The following PDZRN3 variants were observed in gnomAD, a reference collection of about 807,000 sequenced individuals.
PDZRN3 encodes the protein PDZ domain containing ring finger 3.
In PDZRN3, 38 loss-of-function variants were observed where a neutral mutation model predicts 85.7. That is an observed-to-expected ratio of 0.44 (90% CI 0.34 to 0.58). The LOEUF (loss-of-function observed/expected upper bound fraction) is 0.58. Among genes scored for constraint, PDZRN3 ranks in the 20% least tolerant of loss-of-function variants. The pLI is 0.01. For missense variants in PDZRN3, 1,629 were observed against 1,506.4 expected, an observed-to-expected ratio of 1.08 and a Z score of -1.35; for synonymous variants, 759 against 638.0, an observed-to-expected ratio of 1.19 and a Z score of -2.86.
intron 3 of PDZRN3, among the ~76,000 whole-genome samples, chr3:73,422,082 T>C (rs760251890): frequency 1.2e-4 from 19 of 152,242 alleles, no homozygotes; most frequent in Non-Finnish European, 1.9e-4. Flanking sequence ...CAGTGTAGTA[T>C]TTAACTTCTG....
chr3:73,608,852 T>C (rs1356888657), intron 1 of PDZRN3, among the ~76,000 whole-genome samples, 168 bp from the exon 2 acceptor site: 1 of 152,192 alleles, frequency 6.6e-6, no homozygotes, highest in African/African-American at 2.4e-5. Flanking sequence ...TCTGAAATTC[T>C]GTCTTGTGTT....
intron 3 of PDZRN3, among the ~76,000 whole-genome samples, chr3:73,553,288 T>C (rs1405476517): frequency 6.6e-6 from 1 of 152,070 alleles, no homozygotes; most frequent in Non-Finnish European, 1.5e-5. Context: ...TAAGACCTAT[T>C]ATCGGCCAGG....
Position 73,624,349 on chromosome 3 carries a change from G to T in PDZRN3, c.477C>A (p.Gly159=). 7.7e-7 allele frequency: 1 copy of T among 1,301,344 alleles called. No individual in the cohort carries two copies. Among genetic ancestry groups the T allele is most frequent in the Non-Finnish European group, 9.7e-7 (1 of 1,032,068 alleles). 80.6% of individuals were successfully genotyped at this position (1,301,344 alleles called of 1,614,324 possible). A position where few individuals can be genotyped will look rare whatever the true frequency, so the allele number is the denominator to read the frequency against. Residue 159 remains glycine, a synonymous_variant, in exon 1 of 10, where the codon GGC becomes GGA. Transcript: ENST00000263666. The part of the protein sequence containing the change: ...PLTHGEQRAG[G]HCCARALRAH... ...CCCGCAGCGCTCGCGCGCAGCAGTG[G>T]CCGCCCGCGCGCTGCTCGCCGTGCG...
chr3:73,586,736 C>T (rs1481894607), intron 3 of PDZRN3, among the ~76,000 whole-genome samples: 2 of 152,192 alleles, frequency 1.3e-5, no homozygotes, highest in African/African-American at 4.8e-5. Context: ...CCCCATCAAA[C>T]ATCAAGCTGA....
intron 3 of PDZRN3, among the ~76,000 whole-genome samples, chr3:73,518,061 A>C (rs1704285923): frequency 6.6e-6 from 1 of 152,260 alleles, no homozygotes; most frequent in Non-Finnish European, 1.5e-5. Flanking sequence ...GGATGCCCAC[A>C]TTCATAGTGG....
chr3:73,530,748 C>T lies in PDZRN3; in HGVS notation c.918+71606G>A, dbSNP rs77114734. On this transcript the variant is annotated intron_variant, in intron 3 of 9. Coordinates refer to ENST00000263666, the MANE Select transcript of PDZRN3 (RefSeq NM_015009.3). ...TTGGTTTCTATTCATTTCTTATGTA[C>T]CTCAAAATTTAATCAATCAAAACTT... Among the ~76,000 whole-genome samples the T allele has an allele frequency of 7.1e-3, 1,075 of 152,144 alleles. 9 individuals carry two copies. Among genetic ancestry groups the T allele is most frequent in the African/African-American group, 0.025 (1,035 of 41,512 alleles).
intron 3 of PDZRN3, among the ~76,000 whole-genome samples, chr3:73,507,460 G>A (rs1361271196): frequency 6.6e-6 from 1 of 152,150 alleles, no homozygotes; most frequent in Admixed American, 6.5e-5. Flanking sequence ...GTGAGCCACC[G>A]TGCCCGGCCA....
rs548541992 is a variant in PDZRN3, at chr3:73,578,997, T to A, written c.918+23357A>T. 2.6e-5 allele frequency among the ~76,000 whole-genome samples: 4 copies of A among 152,260 alleles called. No homozygotes were observed. The East Asian group carries it at 7.7e-4, about 29-fold the overall frequency. Reference sequence around the variant, plus strand: ...AAGACAAAAATTTTCCAAGGTGCACTGATTTTGGAAGGTCCTTGCTTTGGT... The same window carrying A: ...AAGACAAAAATTTTCCAAGGTGCACAGATTTTGGAAGGTCCTTGCTTTGGT... On this transcript the variant is annotated intron_variant, in intron 3 of 9. Transcript: ENST00000263666.
rs115965302 is a variant in PDZRN3 at position 73,408,823 on chromosome 3, T to C, written c.919-4428A>G. Among the ~76,000 whole-genome samples the C allele has an allele frequency of 5.2e-3, 790 of 152,272 alleles. 5 individuals carry two copies. Among genetic ancestry groups the C allele is most frequent in the African/African-American group, 0.018 (762 of 41,550 alleles). ...ATCACTGAGACTCTTAGCGAGATGATGACTCCGGTGCACGCCGTCAGCCAA... is the reference window on the plus strand; with the variant it reads ...ATCACTGAGACTCTTAGCGAGATGACGACTCCGGTGCACGCCGTCAGCCAA... On this transcript the variant is annotated intron_variant, in intron 3 of 9. Coordinates refer to ENST00000263666, the MANE Select transcript of PDZRN3 (RefSeq NM_015009.3).
intron 1 of PDZRN3, among the ~76,000 whole-genome samples, chr3:73,611,374 C>A (rs1378320706): frequency 1.3e-5 from 2 of 152,216 alleles, no homozygotes; most frequent in African/African-American, 4.8e-5. Flanking sequence ...GTCTGAAATA[C>A]AACATTCCTC....
chr3:73,504,104 ATG>A (rs1488762481), intron 3 of PDZRN3, among the ~76,000 whole-genome samples: 2 of 152,162 alleles, frequency 1.3e-5, no homozygotes, highest in Admixed American at 6.5e-5. Flanking sequence ...ACTGCTGTGT[ATG>A]TGTGTCTGCT....
At chr3:73,593,543 T>C (rs1022103093) in intron 3 of PDZRN3, among the ~76,000 whole-genome samples, 2 of 152,156 alleles carry the variant, frequency 1.3e-5, no homozygotes, top group African/African-American at 4.8e-5. Flanking sequence ...CAGATGCCTC[T>C]GCGTTTCCAT....
intron 5 of PDZRN3, among the ~76,000 whole-genome samples, chr3:73,400,126 C>G (rs1309984399): frequency 6.6e-6 from 1 of 152,296 alleles, no homozygotes; most frequent in Non-Finnish European, 1.5e-5. Flanking sequence ...TACCCAAGGG[C>G]TTACCTGTCA....
chr3:73,546,203 G>T (rs1701419478), intron 3 of PDZRN3, among the ~76,000 whole-genome samples: 1 of 152,206 alleles, frequency 6.6e-6, no homozygotes, highest in Non-Finnish European at 1.5e-5. Flanking sequence ...TTTAGCTTCT[G>T]TTTCTCCACC....
chr3:73,599,655 C>T (rs1702481530), intron 3 of PDZRN3, among the ~76,000 whole-genome samples: 2 of 152,254 alleles, frequency 1.3e-5, no homozygotes, highest in Admixed American at 6.5e-5. Flanking sequence ...AAATGCAACT[C>T]TTGTATAAAT....
intron 3 of PDZRN3, among the ~76,000 whole-genome samples, chr3:73,478,669 A>G (rs1703504834): frequency 6.6e-6 from 1 of 152,216 alleles, no homozygotes; most frequent in South Asian, 2.1e-4. Context: ...ACTGTCTTCC[A>G]TGAAACTAGT....
intron 3 of PDZRN3, among the ~76,000 whole-genome samples, chr3:73,504,959 A>C (rs1267292692): frequency 6.6e-6 from 1 of 152,228 alleles, no homozygotes; most frequent in African/African-American, 2.4e-5. Flanking sequence ...CAATGTTTTC[A>C]TATGAATGTG....
rs1703287944 is a variant in PDZRN3 at position 73,383,255 on chromosome 3, C to CGGACTAT, written c.*109_*110insATAGTCC. 14 of 1,047,558 alleles carry CGGACTAT rather than the reference C, an allele frequency of 1.3e-5. No homozygotes were observed. Among genetic ancestry groups the CGGACTAT allele is most frequent in the Non-Finnish European group, 2.0e-5 (14 of 712,532 alleles). The allele number at this position is 1,047,558 out of a possible 1,614,324, so 64.9% of individuals were successfully genotyped here. A position where few individuals can be genotyped will look rare whatever the true frequency, so the allele number is the denominator to read the frequency against. On this transcript the variant is annotated 3_prime_UTR_variant, in exon 10 of 10. Coordinates refer to ENST00000263666, the MANE Select transcript of PDZRN3 (RefSeq NM_015009.3). ...AGGGTTTGCAAATTTGGACTATAAA[C>CGGACTAT]ATGAAGACCGTACTTATCTTATATA...
intron 4 of PDZRN3, among the ~76,000 whole-genome samples, chr3:73,403,052 T>C (rs1701785619): frequency 6.6e-6 from 1 of 151,244 alleles, no homozygotes; most frequent in Non-Finnish European, 1.5e-5. Context: ...CACGCCATTC[T>C]CCTGCCTCAG....
Sources: allele counts gnomAD v4.1 joint callset (sites outside exome capture counted in the v4.1 genomes callset), GRCh38; gene constraint gnomAD v4.1.1; transcripts MANE v1.5; gene names NCBI Gene and HGNC (gene_info 2026-07-23, HGNC 2026-07-21).